The following TSHZ2 variants were observed in gnomAD, a reference collection of about 807,000 sequenced individuals.
The protein encoded by TSHZ2 is teashirt zinc finger homeobox 2, also known as teashirt homolog 2.
TSHZ2 carries 21 observed loss-of-function variants against 74.4 expected under a neutral mutation model. The observed-to-expected ratio is 0.28, with a 90% CI of 0.20 to 0.41. The LOEUF (loss-of-function observed/expected upper bound fraction) is 0.41. Among genes scored for constraint, TSHZ2 ranks in the 10% least tolerant of loss-of-function variants. The probability of loss-of-function intolerance (pLI) is 1.00; values close to 1 mark genes in which losing one functional copy is unlikely to be tolerated. For synonymous variants in TSHZ2, 540 were observed against 515.3 expected (o/e 1.05, Z -0.65); for missense variants, 1,244 against 1,293.5 (o/e 0.96, Z 0.59).
chr20:53,030,052 C>G (rs539016823), intron 1 of TSHZ2, among the ~76,000 whole-genome samples: 2 of 152,054 alleles, frequency 1.3e-5, no homozygotes, highest in South Asian at 4.2e-4. Context: ...CCTTATATTT[C>G]GTCATTTAAG....
intron 2 of TSHZ2, among the ~76,000 whole-genome samples, chr20:53,276,582 C>T (rs541616991): frequency 1.3e-5 from 2 of 152,160 alleles, no homozygotes; most frequent in South Asian, 4.1e-4. Flanking sequence ...ACTGTTCTAC[C>T]TCAGGAATTG....
intron 1 of TSHZ2, among the ~76,000 whole-genome samples, chr20:52,990,414 C>T (rs1369720177): frequency 1.0e-5 from 1 of 100,336 alleles, no homozygotes; most frequent in Non-Finnish European, 1.8e-5. Flanking sequence ...TCAATAATCC[C>T]AATAATAAGT....
At chr20:53,159,693 A>G (rs1455144218) in intron 1 of TSHZ2, among the ~76,000 whole-genome samples, 1 of 151,698 alleles carries the variant, frequency 6.6e-6, no homozygotes, top group Non-Finnish European at 1.5e-5. Context: ...ACCAAAGTCA[A>G]TAAGTTTTCT....
intron 1 of TSHZ2, among the ~76,000 whole-genome samples, chr20:53,017,705 G>A (rs1568721582): frequency 6.6e-6 from 1 of 152,128 alleles, no homozygotes; most frequent in Non-Finnish European, 1.5e-5. Flanking sequence ...TTGTCTGTGG[G>A]CTAGAGAATA....
chr20:53,127,456 A>G (rs1164884024), intron 1 of TSHZ2, among the ~76,000 whole-genome samples: 1 of 152,250 alleles, frequency 6.6e-6, no homozygotes, highest in Non-Finnish European at 1.5e-5. Context: ...GTAATCCCCC[A>G]ATGCTTTCGG....
At chr20:53,068,913 A>T (rs934644257) in intron 1 of TSHZ2, among the ~76,000 whole-genome samples, 28 of 151,736 alleles carry the variant, frequency 1.8e-4, no homozygotes, top group African/African-American at 6.1e-4. Flanking sequence ...TGACTGTGAG[A>T]ACTGGATTTA....
chr20:53,007,598 A>T (rs1468363165), intron 1 of TSHZ2, among the ~76,000 whole-genome samples: 1 of 151,906 alleles, frequency 6.6e-6, no homozygotes, highest in Non-Finnish European at 1.5e-5. Flanking sequence ...CCAAGAAAGA[A>T]ATGTGTGTTT....
intron 1 of TSHZ2, among the ~76,000 whole-genome samples, chr20:52,980,973 A>C (rs916822160): frequency 1.3e-5 from 2 of 152,236 alleles, no homozygotes; most frequent in African/African-American, 4.8e-5. Flanking sequence ...CTTCTGGGCC[A>C]AGATGATGCT....
chr20:53,274,827 AT>A (rs1990909998), intron 2 of TSHZ2, among the ~76,000 whole-genome samples: 1 of 152,072 alleles, frequency 6.6e-6, no homozygotes, highest in Non-Finnish European at 1.5e-5. Flanking sequence ...CACTGTCTTC[AT>A]CCCCTTCCCT....
In TSHZ2 at chr20:53,138,158, A is replaced by G. The variant is rs538562887; in HGVS notation, c.41-115341A>G. Among the ~76,000 whole-genome samples, 3 of 152,216 alleles carry G rather than the reference A, an allele frequency of 2.0e-5. No individual in the cohort carries two copies. The East Asian group carries it at 5.8e-4, about 29-fold the overall frequency. On this transcript the variant is annotated intron_variant, in intron 1 of 2. Coordinates refer to ENST00000371497, the MANE Select transcript of TSHZ2 (RefSeq NM_173485.6). ...AGCACTTTGGGAGGCCAAGGCGGGC[A>G]GATCATGAGGTCAGGAGATCGCGAC...
chr20:53,382,211 G>T (rs1981883782), intron 2 of TSHZ2, among the ~76,000 whole-genome samples: 1 of 152,106 alleles, frequency 6.6e-6, no homozygotes, highest in Admixed American at 6.5e-5. Flanking sequence ...ACTCTCTTGT[G>T]CTCCTAAGAG....
intron 2 of TSHZ2, among the ~76,000 whole-genome samples, chr20:53,277,285 A>C (rs1429482300): frequency 6.6e-6 from 1 of 152,220 alleles, no homozygotes; most frequent in African/African-American, 2.4e-5. Context: ...TATTAGCTCT[A>C]TATTGTGTTT....
At chr20:53,397,338 A>G (rs1484820838) in intron 2 of TSHZ2, among the ~76,000 whole-genome samples, 2 of 152,210 alleles carry the variant, frequency 1.3e-5, no homozygotes, top group African/African-American at 4.8e-5. Flanking sequence ...CACTTCTCAA[A>G]AGAAGACATT....
At position 53,488,645 on chromosome 20, in the gene TSHZ2, C is replaced by T. The variant is rs1986359912; in HGVS notation, c.*1510C>T. The T allele has an allele frequency of 3.9e-6, 1 of 253,214 alleles. No homozygotes were observed. The highest frequency in any genetic ancestry group is 2.3e-5 in the African/African-American group (1 of 43,314). 15.7% of individuals were successfully genotyped at this position (253,214 alleles called of 1,614,324 possible). On this transcript the variant is annotated 3_prime_UTR_variant, in exon 3 of 3. Coordinates refer to ENST00000371497, the MANE Select transcript of TSHZ2 (RefSeq NM_173485.6). ...TATTTATACTATTCTAGGCACAACA[C>T]TAGGAACTAGGTGATTCTGAAACAA...
chr20:53,247,454 C>G (rs1310479122), intron 1 of TSHZ2, among the ~76,000 whole-genome samples: 1 of 152,214 alleles, frequency 6.6e-6, no homozygotes, highest in Non-Finnish European at 1.5e-5. Flanking sequence ...CCTGGCTACC[C>G]TTGAGAATAG....
At position 53,223,775 on chromosome 20, in the gene TSHZ2, G is replaced by C. The variant is rs181923311; in HGVS notation, c.41-29724G>C. ...GATTGTTACCTAAGGGAAAGAAAGGGGGAGGTAGCTGTGGCCATAAAGAGT... is the reference window on the plus strand; with the variant it reads ...GATTGTTACCTAAGGGAAAGAAAGGCGGAGGTAGCTGTGGCCATAAAGAGT... On this transcript the variant is annotated intron_variant, in intron 1 of 2. Coordinates refer to ENST00000371497, the MANE Select transcript of TSHZ2 (RefSeq NM_173485.6). 1.2e-3 allele frequency among the ~76,000 whole-genome samples: 176 copies of C among 152,206 alleles called. 3 individuals are homozygous for C. In the East Asian group the frequency reaches 0.031, roughly 27 times the overall value.
At chr20:53,277,496 G>A (rs6097327) in intron 2 of TSHZ2, among the ~76,000 whole-genome samples, 2 of 151,650 alleles carry the variant, frequency 1.3e-5, no homozygotes, top group African/African-American at 4.8e-5. Flanking sequence ...GCTCATCCAA[G>A]GACAGAGTTG....
chr20:53,285,231 G>A (rs541200863), intron 2 of TSHZ2, among the ~76,000 whole-genome samples: 5 of 152,296 alleles, frequency 3.3e-5, no homozygotes, highest in East Asian at 1.9e-4. Context: ...CCAGCTCAAC[G>A]CAAGGATAAA....
chr20:53,362,016 T>G (rs1981076330), intron 2 of TSHZ2, among the ~76,000 whole-genome samples: 1 of 151,344 alleles, frequency 6.6e-6, no homozygotes, highest in African/African-American at 2.4e-5. Flanking sequence ...ACCTCCCAGA[T>G]TCAAGCGATT....
Sources: allele counts gnomAD v4.1 joint callset (sites outside exome capture counted in the v4.1 genomes callset), GRCh38; gene constraint gnomAD v4.1.1; transcripts MANE v1.5; gene names NCBI Gene and HGNC (gene_info 2026-07-23, HGNC 2026-07-21).